RAD51B: variants seen among roughly 807,000 people sequenced by gnomAD.
The protein encoded by RAD51B is DNA repair protein RAD51 homolog 2.
In RAD51B, 38 loss-of-function variants were observed where a neutral mutation model predicts 42.2. That is an observed-to-expected ratio of 0.90 (90% confidence interval 0.70 to 1.18). The LOEUF is 1.18. RAD51B is among the 50% of genes most tolerant of loss of function. The probability of loss-of-function intolerance (pLI) is 0.00; values close to 1 mark genes in which losing one functional copy is unlikely to be tolerated. For synonymous variants in RAD51B, 154 were observed against 145.2 expected, an observed-to-expected ratio of 1.06 and a Z score of -0.43; for missense variants, 373 against 400.7, an observed-to-expected ratio of 0.93 and a Z score of 0.59.
intron 10 of RAD51B, among the ~76,000 whole-genome samples, chr14:68,642,537 T>C (rs985950900): frequency 2.0e-5 from 3 of 152,212 alleles, no homozygotes; most frequent in Non-Finnish European, 2.9e-5. Context: ...ATTGATCTTA[T>C]TGATGTTTTC....
At chr14:68,213,707 C>T (rs2079757714) in intron 7 of RAD51B, among the ~76,000 whole-genome samples, 2 of 152,072 alleles carry the variant, frequency 1.3e-5, no homozygotes, top group South Asian at 4.1e-4. Context: ...TCTAAGAGTC[C>T]ATGTCCAGAG....
At chr14:67,843,683 C>T (rs1306311265) in intron 4 of RAD51B, among the ~76,000 whole-genome samples, 2 of 150,392 alleles carry the variant, frequency 1.3e-5, no homozygotes, top group East Asian at 3.9e-4. Context: ...TTTTGTATTT[C>T]TGTGGGGTCG....
At chr14:68,000,301 T>C (rs1566568553) in intron 7 of RAD51B, 1 of 152,170 alleles carries the variant, frequency 6.6e-6, no homozygotes. Flanking sequence ...TTCTCTGTTA[T>C]CTGCTTCTTT....
chr14:68,622,884 C>T (rs1038509282), intron 10 of RAD51B, among the ~76,000 whole-genome samples: 2 of 152,060 alleles, frequency 1.3e-5, no homozygotes, highest in African/African-American at 4.8e-5. Flanking sequence ...CTTCTAGACT[C>T]GCCCCCTCCT....
chr14:68,343,377 G>T (rs1288955457), intron 8 of RAD51B, among the ~76,000 whole-genome samples: 1 of 151,840 alleles, frequency 6.6e-6, no homozygotes, highest in East Asian at 1.9e-4. Context: ...TTTTGCTTTT[G>T]TTGCATGAAC....
chr14:68,452,258 C>T (rs931764460), intron 9 of RAD51B, among the ~76,000 whole-genome samples: 2 of 152,030 alleles, frequency 1.3e-5, no homozygotes, highest in Non-Finnish European at 2.9e-5. Flanking sequence ...AAATTCCTTG[C>T]GACAGTATTT....
intron 5 of RAD51B, among the ~76,000 whole-genome samples, chr14:67,865,515 G>A (rs190427862): frequency 9.4e-5 from 14 of 149,522 alleles, no homozygotes; most frequent in Admixed American, 8.0e-4. Context: ...GGGATTATAG[G>A]CGTGAGCCAC....
At chr14:68,488,375 C>T (rs1025674595) in intron 10 of RAD51B, among the ~76,000 whole-genome samples, 1 of 152,122 alleles carries the variant, frequency 6.6e-6, no homozygotes, top group African/African-American at 2.4e-5. Context: ...GACAAAGACT[C>T]TCATTCTGAC....
intron 10 of RAD51B, chr14:68,497,067 A>T: frequency 7.5e-7 from 1 of 1,325,000 alleles, no homozygotes; most frequent in Non-Finnish European, 1.0e-6. Context: ...GCTTTATGCA[A>T]GCCTTCAACA....
chr14:68,060,915 T>C (rs1297265744), intron 7 of RAD51B, among the ~76,000 whole-genome samples: 1 of 152,154 alleles, frequency 6.6e-6, no homozygotes, highest in African/African-American at 2.4e-5. Flanking sequence ...CTGGGTTCTC[T>C]ATTCTCTTGC....
intron 10 of RAD51B, among the ~76,000 whole-genome samples, chr14:68,584,422 AAGC>A (rs1890358503): frequency 6.6e-6 from 1 of 152,052 alleles, no homozygotes; most frequent in South Asian, 2.1e-4. Flanking sequence ...AATCTTAAGG[AAGC>A]AGGAGCTATT....
At chr14:67,945,595 C>T (rs1461377531) in intron 7 of RAD51B, among the ~76,000 whole-genome samples, 10 of 152,044 alleles carry the variant, frequency 6.6e-5, no homozygotes, top group Non-Finnish European at 8.8e-5. Flanking sequence ...CTCAGCCTCC[C>T]GAGTAGCTGG....
chr14:68,544,701 T>C (rs947863229), intron 10 of RAD51B, among the ~76,000 whole-genome samples: 2 of 152,194 alleles, frequency 1.3e-5, no homozygotes, highest in African/African-American at 4.8e-5. Flanking sequence ...GAGTCAACAA[T>C]GATCTAGGTA....
chr14:68,258,511 C>T (rs979176978), intron 7 of RAD51B, among the ~76,000 whole-genome samples: 1 of 151,926 alleles, frequency 6.6e-6, no homozygotes, highest in African/African-American at 2.4e-5. Flanking sequence ...ATTCCAGAAA[C>T]ATATCTCTTT....
At chr14:67,886,186 CTG>C (rs1272722293) in intron 6 of RAD51B, among the ~76,000 whole-genome samples, 198 bp downstream of exon 6, 2 of 152,036 alleles carry the variant, frequency 1.3e-5, no homozygotes, top group African/African-American at 2.4e-5. Flanking sequence ...ATAAAATGTT[CTG>C]TATTTAATTA....
intron 11 of RAD51B, among the ~76,000 whole-genome samples, chr14:68,680,811 C>T (rs764679910): frequency 6.6e-6 from 1 of 152,032 alleles, no homozygotes; most frequent in Non-Finnish European, 1.5e-5. Flanking sequence ...ACCTGAGCGT[C>T]GCAGTAAGCT....
intron 7 of RAD51B, among the ~76,000 whole-genome samples, chr14:68,284,887 C>G (rs1487391931): frequency 6.6e-6 from 1 of 152,030 alleles, no homozygotes. Context: ...TATCTCTATA[C>G]AAAGCTGGAT....
At chr14:68,248,584 G>C (rs1036715179) in intron 7 of RAD51B, among the ~76,000 whole-genome samples, 4 of 151,930 alleles carry the variant, frequency 2.6e-5, no homozygotes, top group Admixed American at 2.6e-4. Context: ...CTAGGTGGCA[G>C]AATAACTACA....
intron 7 of RAD51B, among the ~76,000 whole-genome samples, chr14:68,225,522 T>G (rs1283228038): frequency 6.6e-6 from 1 of 152,204 alleles, no homozygotes; most frequent in Non-Finnish European, 1.5e-5. Flanking sequence ...AGGGAACTAT[T>G]CTGCAGAAAC....
Sources: allele counts gnomAD v4.1 joint callset (sites outside exome capture counted in the v4.1 genomes callset), GRCh38; gene constraint gnomAD v4.1.1; transcripts MANE v1.5; gene names NCBI Gene and HGNC (gene_info 2026-07-23, HGNC 2026-07-21).